The following UTRN variants were observed in gnomAD, a reference collection of about 807,000 sequenced individuals.
The protein encoded by UTRN is dystrophin-related protein 1.
In UTRN, 283 loss-of-function variants were observed where a neutral mutation model predicts 463.9. The ratio of observed to expected loss-of-function variants is 0.61; its 90% CI spans 0.55 to 0.67. The LOEUF is 0.67. UTRN is among the 30% of genes least tolerant of loss of function. The probability of loss-of-function intolerance (pLI) is 0.00; values close to 1 mark genes in which losing one functional copy is unlikely to be tolerated. For missense variants in UTRN, 3,922 were observed against 4,084.3 expected (o/e 0.96, Z 1.08); for synonymous variants, 1,442 against 1,431.5 (o/e 1.01, Z -0.17).
chr6:144,575,859 A>C (rs975913625), intron 50 of UTRN, among the ~76,000 whole-genome samples: 1 of 152,100 alleles, frequency 6.6e-6, no homozygotes, highest in Admixed American at 6.6e-5. Context: ...TCTTAATTTC[A>C]GAAAATTTAT....
chr6:144,464,282 C>T (rs925096565), intron 23 of UTRN, among the ~76,000 whole-genome samples: 8 of 152,030 alleles, frequency 5.3e-5, no homozygotes, highest in African/African-American at 7.3e-5. Context: ...TTTGGAGGGG[C>T]GTTCTTTGAC....
At chr6:144,736,148 G>A (rs1040854477) in intron 54 of UTRN, among the ~76,000 whole-genome samples, 2 of 151,938 alleles carry the variant, frequency 1.3e-5, no homozygotes, top group Admixed American at 1.3e-4. Context: ...AAAATAAATC[G>A]AAGAAAACTA....
chr6:144,668,102 A>G (rs1448766943), intron 51 of UTRN, among the ~76,000 whole-genome samples: 3 of 152,192 alleles, frequency 2.0e-5, no homozygotes, highest in Non-Finnish European at 4.4e-5. Flanking sequence ...CTTTGTGTTC[A>G]TCTCACCCAG....
intron 2 of UTRN, among the ~76,000 whole-genome samples, chr6:144,331,903 T>A (rs990659604): frequency 6.6e-6 from 1 of 152,054 alleles, no homozygotes; most frequent in Non-Finnish European, 1.5e-5. Context: ...GAAAGGCAAA[T>A]ATTCAGTGAA....
chr6:144,488,763 GA>G lies in UTRN; in HGVS notation c.4064del (p.Glu1355GlyfsTer10). 1 of 1,612,962 alleles carries G rather than the reference GA, an allele frequency of 6.2e-7. No individual in the cohort carries two copies. The highest frequency in any genetic ancestry group is 8.5e-7 in the Non-Finnish European group (1 of 1,179,318). Reference sequence around the variant, plus strand: ...TCAAGTCTTGCAAGAGAGCTTGGGGGAGCTGGACAAACAGCTCACCACATAC... The same window carrying G: ...TCAAGTCTTGCAAGAGAGCTTGGGGGGCTGGACAAACAGCTCACCACATAC... ...MLQVLQESLG[E>X]LDKQLTTYLT... On this transcript the variant is annotated frameshift_variant, in exon 30 of 75. Transcript: ENST00000367545. LOFTEE classifies it high-confidence loss of function.
intron 34 of UTRN, among the ~76,000 whole-genome samples, 166 bp downstream of exon 34, chr6:144,499,593 T>C (rs6902557): frequency 0.1 from 15,159 of 152,182 alleles, 2,153 homozygotes; most frequent in African/African-American, 0.32. Context: ...ATTTTAAAAA[T>C]AATGATTATA....
intron 3 of UTRN, among the ~76,000 whole-genome samples, chr6:144,417,583 T>G (rs968210855): frequency 5.3e-5 from 8 of 152,222 alleles, no homozygotes; most frequent in African/African-American, 1.9e-4. Flanking sequence ...TTCTACTGCC[T>G]GTTTCCGTAT....
intron 51 of UTRN, among the ~76,000 whole-genome samples, chr6:144,614,726 G>T (rs1585575301): frequency 6.6e-6 from 1 of 152,142 alleles, no homozygotes; most frequent in Non-Finnish European, 1.5e-5. Flanking sequence ...GAGGTCAAAT[G>T]TGCTTTTGCA....
At chr6:144,811,932 T>C (rs760739213) in intron 65 of UTRN, among the ~76,000 whole-genome samples, 2 of 152,222 alleles carry the variant, frequency 1.3e-5, no homozygotes, top group Non-Finnish European at 2.9e-5. Flanking sequence ...TTAATTATTC[T>C]GTTTGCGTGC....
intron 33 of UTRN, among the ~76,000 whole-genome samples, chr6:144,494,882 G>C (rs1189325528): frequency 6.6e-6 from 1 of 152,022 alleles, no homozygotes; most frequent in East Asian, 1.9e-4. Flanking sequence ...TAGACATAAA[G>C]GTTCTCTAAG....
intron 51 of UTRN, among the ~76,000 whole-genome samples, chr6:144,675,889 TG>T (rs1282416473): frequency 5.3e-5 from 8 of 152,214 alleles, no homozygotes; most frequent in Non-Finnish European, 1.2e-4. Flanking sequence ...GCATTAGACC[TG>T]TCTCCTATCT....
chr6:144,718,875 G>A (rs1786790601), intron 53 of UTRN, among the ~76,000 whole-genome samples: 1 of 152,244 alleles, frequency 6.6e-6, no homozygotes, highest in African/African-American at 2.4e-5. Context: ...CGTGAGGGAA[G>A]GCTGCAGCTC....
intron 2 of UTRN, among the ~76,000 whole-genome samples, chr6:144,364,750 C>T (rs1285015518): frequency 6.6e-6 from 1 of 152,186 alleles, no homozygotes; most frequent in South Asian, 2.1e-4. Flanking sequence ...GGGCCATGTT[C>T]CTTCTGGAAG....
At chr6:144,371,527 T>A (rs891134489) in intron 2 of UTRN, among the ~76,000 whole-genome samples, 1 of 152,220 alleles carries the variant, frequency 6.6e-6, no homozygotes, top group African/African-American at 2.4e-5. Context: ...TTCTCCTGCC[T>A]CAGCCTCCCG....
chr6:144,471,405 G>A (rs1028292403), intron 23 of UTRN, among the ~76,000 whole-genome samples: 84 of 152,164 alleles, frequency 5.5e-4, no homozygotes, highest in African/African-American at 1.9e-3. Flanking sequence ...ATTCAAACTA[G>A]AGTTAATGAA....
At chr6:144,472,606 G>C (rs1790773473) in intron 23 of UTRN, among the ~76,000 whole-genome samples, 1 of 152,044 alleles carries the variant, frequency 6.6e-6, no homozygotes, top group African/African-American at 2.4e-5. Context: ...TCAGAGTAGT[G>C]AGCAATACCT....
chr6:144,768,645 C>G (rs1793617623), intron 58 of UTRN, among the ~76,000 whole-genome samples: 1 of 152,180 alleles, frequency 6.6e-6, no homozygotes, highest in Admixed American at 6.5e-5. Flanking sequence ...AGCTGACAAA[C>G]TGGTCAATAT....
At chr6:144,735,562 C>G (rs1371664124) in intron 54 of UTRN, among the ~76,000 whole-genome samples, 1 of 152,028 alleles carries the variant, frequency 6.6e-6, no homozygotes, top group African/African-American at 2.4e-5. Context: ...AAAGAAGGTG[C>G]TAGTACAGTT....
chr6:144,296,786 T>G (rs924688410), intron 2 of UTRN, among the ~76,000 whole-genome samples: 1 of 152,258 alleles, frequency 6.6e-6, no homozygotes, highest in Non-Finnish European at 1.5e-5. Flanking sequence ...TTTTTGTAGT[T>G]TTCAGGGGTG....
Sources: allele counts gnomAD v4.1 joint callset (sites outside exome capture counted in the v4.1 genomes callset), GRCh38; gene constraint gnomAD v4.1.1; transcripts MANE v1.5; gene names NCBI Gene and HGNC (gene_info 2026-07-23, HGNC 2026-07-21).